Variants in RHOBTB2 observed in about 807,000 individuals in gnomAD.
RHOBTB2 encodes the protein rho-related BTB domain-containing protein 2.
A neutral mutation model predicts 66.5 loss-of-function variants in RHOBTB2; 39 were observed. The observed-to-expected ratio is 0.59, with a 90% CI of 0.45 to 0.77. The LOEUF is 0.77. Ranked by LOEUF, RHOBTB2 falls within the 30% of genes least tolerant of loss-of-function variation. The pLI is 0.00. For missense variants in RHOBTB2, 755 were observed against 999.1 expected (o/e 0.76, Z 3.29); for synonymous variants, 390 against 395.0 (o/e 0.99, Z 0.15).
At chr8:22,979,410 A>G in the RHOBTB2 span, among the ~76,000 whole-genome samples, 1 of 152,178 alleles carries the variant, frequency 6.6e-6, no homozygotes, top group African/African-American at 2.4e-5. Context: ...TATATTTTGT[A>G]ATAGTTCTTT....
intron 2 of RHOBTB2, among the ~76,000 whole-genome samples, chr8:22,994,376 G>A (rs1253984454): frequency 6.6e-6 from 1 of 152,212 alleles, no homozygotes; most frequent in Non-Finnish European, 1.5e-5. Context: ...GGGTGGCCTT[G>A]GTCTTGGCCC....
the RHOBTB2 span, among the ~76,000 whole-genome samples, chr8:22,972,330 C>T: frequency 6.6e-6 from 1 of 152,302 alleles, no homozygotes; most frequent in Non-Finnish European, 1.5e-5. Flanking sequence ...CCAATGCAGT[C>T]ATCACACGTA....
chr8:22,966,490 A>T, the RHOBTB2 span, among the ~76,000 whole-genome samples: 1 of 151,988 alleles, frequency 6.6e-6, no homozygotes, highest in Admixed American at 6.6e-5. Flanking sequence ...ATGTGAAAAG[A>T]TGCTCAACAT....
chr8:23,006,826 T>C lies in RHOBTB2; in HGVS notation c.581T>C (p.Phe194Ser). Reference protein sequence around the residue: ...PYYETSVVAQFGIKDVFDNAI... With the variant: ...PYYETSVVAQSGIKDVFDNAI... ...TATGAGACCAGCGTGGTGGCCCAGTTCGGCATCAAGGACGTCTTTGACAAC... is the reference window on the plus strand; with the variant it reads ...TATGAGACCAGCGTGGTGGCCCAGTCCGGCATCAAGGACGTCTTTGACAAC... The change falls in exon 5 of 10, where the codon TTC (phenylalanine) becomes TCC (serine). Residue 194 changes from phenylalanine (F) to serine (S), a missense_variant. By Grantham distance (155) the Phe-to-Ser change is radical. Around this residue, in one of 7 missense-constraint regions of RHOBTB2, gnomAD observed 35 missense variants for 38.1 expected, o/e 0.92. Coordinates refer to ENST00000251822, the MANE Select transcript of RHOBTB2 (RefSeq NM_015178.3). The surrounding 1 kb of genome is among the most constrained non-coding windows in gnomAD (Gnocchi z 6.1). 1 of 1,614,072 alleles carries C rather than the reference T, an allele frequency of 6.2e-7. No homozygotes were observed. The highest frequency in any genetic ancestry group is 2.2e-5 in the East Asian group (1 of 44,870).
rs552604043 is a variant in RHOBTB2, at chr8:23,006,531, T to C, written c.483-197T>C. The C allele has an allele frequency of 4.9e-6, 3 of 610,692 alleles. No individual in the cohort carries two copies. The Admixed American group carries it at 9.1e-5, about 19-fold the overall frequency. 37.8% of individuals were successfully genotyped at this position (610,692 alleles called of 1,614,324 possible). A position where few individuals can be genotyped will look rare whatever the true frequency, so the allele number is the denominator to read the frequency against. On this transcript the variant is annotated intron_variant, in intron 4 of 9. Coordinates refer to ENST00000251822, the MANE Select transcript of RHOBTB2 (RefSeq NM_015178.3). The surrounding 1 kb of genome is among the most constrained non-coding windows in gnomAD (Gnocchi z 6.1). ...GGGAGGTCACTGGGGCCTGGCATAG[T>C]AGGGAAAGCTTTCTGGAAGAAAAAG... is the stretch of plus-strand genomic sequence containing the variant.
Position 23,015,684 on chromosome 8 carries a change from G to A in RHOBTB2, c.1907G>A (p.Cys636Tyr). 6.2e-7 allele frequency: 1 copy of A among 1,614,040 alleles called. No homozygotes were observed. Among genetic ancestry groups the A allele is most frequent in the Non-Finnish European group, 8.5e-7 (1 of 1,179,962 alleles). The change falls in exon 9 of 10, where the codon TGC becomes TAC. Residue 636 changes from cysteine (C) to tyrosine (Y), a missense_variant. By Grantham distance (194) the Cys-to-Tyr change is radical (BLOSUM62 -2). Around this residue, in one of 7 missense-constraint regions of RHOBTB2, gnomAD observed 353 missense variants for 458.2 expected, o/e 0.77. Transcript: ENST00000251822. The stretch of plus-strand genomic sequence containing the variant: ...GCCGACTGGTGTCTCCACCACATCT[G>A]CACCAACTACAACAACGTGTGCCGC... ...QLADWCLHHI[C>Y]TNYNNVCRKF... is the part of the protein sequence containing the mutation.
the RHOBTB2 span, among the ~76,000 whole-genome samples, chr8:22,958,093 T>A: frequency 6.6e-6 from 1 of 152,244 alleles, no homozygotes; most frequent in Non-Finnish European, 1.5e-5. Flanking sequence ...TCTTTTGGCT[T>A]TCAATATTTA....
the RHOBTB2 span, among the ~76,000 whole-genome samples, chr8:22,954,976 C>G: frequency 6.6e-6 from 1 of 152,048 alleles, no homozygotes; most frequent in Non-Finnish European, 1.5e-5. Flanking sequence ...ACTAAAAATA[C>G]AAAAATTAGC....
upstream of RHOBTB2, chr8:22,994,623 A>G (rs192541245): frequency 2.1e-5 from 33 of 1,551,366 alleles, no homozygotes; most frequent in Admixed American, 1.8e-4. Flanking sequence ...CCCCCAGAAG[A>G]CCTCTTCAGA....
chr8:22,959,233 A>G, the RHOBTB2 span, among the ~76,000 whole-genome samples: 1 of 102,418 alleles, frequency 9.8e-6, no homozygotes, highest in African/African-American at 3.9e-5. Context: ...TTAATCTTTC[A>G]TTTTTCTTTT....
rs138230177 is a variant in RHOBTB2 at position 23,019,685 on chromosome 8, G to T, written c.*2216G>T. The T allele has an allele frequency of 1.7e-3, 261 of 153,610 alleles. 2 individuals are homozygous for T. Among genetic ancestry groups the T allele is most frequent in the Middle Eastern group, 0.014 (4 of 296 alleles). 9.5% of individuals were successfully genotyped at this position (153,610 alleles called of 1,614,324 possible). A position where few individuals can be genotyped will look rare whatever the true frequency, so the allele number is the denominator to read the frequency against. ...TGGTGGGGATGCAGGGAAGGCCGGGGCAGAGAAAGTGAAGGTCGACCCAGG... is the reference window on the plus strand; with the variant it reads ...TGGTGGGGATGCAGGGAAGGCCGGGTCAGAGAAAGTGAAGGTCGACCCAGG... On this transcript the variant is annotated 3_prime_UTR_variant, in exon 10 of 10. Coordinates refer to ENST00000251822, the MANE Select transcript of RHOBTB2 (RefSeq NM_015178.3).
At chr8:22,985,392 C>T (rs180736148), upstream of RHOBTB2, among the ~76,000 whole-genome samples, 27 of 152,318 alleles carry the variant, frequency 1.8e-4, no homozygotes, top group East Asian at 1.9e-3. Context: ...TTTAACTTAT[C>T]GGAGAGGAGC....
rs909273730 is a variant in RHOBTB2 at position 23,004,307 on chromosome 8, G to C, written c.-10-118G>C. On this transcript the variant is annotated intron_variant, in intron 1 of 9. Coordinates refer to ENST00000251822, the MANE Select transcript of RHOBTB2 (RefSeq NM_015178.3). This position sits in a 1 kb window ranked among gnomAD's most constrained non-coding sequence, Gnocchi z 6.4. ...ACGTTGCCCACTCCTTCCTCCTCCTGTCAGCTCCGGGGCTTGCAGAGGGGG... is the reference window on the plus strand; with the variant it reads ...ACGTTGCCCACTCCTTCCTCCTCCTCTCAGCTCCGGGGCTTGCAGAGGGGG... The C allele has an allele frequency of 1.2e-6, 1 of 848,392 alleles. No individual in the cohort carries two copies. Among genetic ancestry groups the C allele is most frequent in the Admixed American group, 2.0e-5 (1 of 49,430 alleles). The allele number at this position is 848,392 out of a possible 1,614,324, so 52.6% of individuals were successfully genotyped here.
At position 23,006,497 on chromosome 8, in the gene RHOBTB2, T is replaced by G; in HGVS notation, c.483-231T>G. 1 of 575,764 alleles carries G rather than the reference T, an allele frequency of 1.7e-6. No homozygotes were observed. The allele number at this position is 575,764 out of a possible 1,614,324, so 35.7% of individuals were successfully genotyped here. On this transcript the variant is annotated intron_variant, in intron 4 of 9. Coordinates refer to ENST00000251822, the MANE Select transcript of RHOBTB2 (RefSeq NM_015178.3). The surrounding 1 kb of genome is among the most constrained non-coding windows in gnomAD (Gnocchi z 6.1). ...GCCAGAGAGGCAGTGCTGTCACGGCTTTGTACTGGGGAGGTCACTGGGGCC... is the reference window on the plus strand; with the variant it reads ...GCCAGAGAGGCAGTGCTGTCACGGCGTTGTACTGGGGAGGTCACTGGGGCC...
chr8:22,952,045 T>C, the RHOBTB2 span, among the ~76,000 whole-genome samples: 2 of 152,148 alleles, frequency 1.3e-5, no homozygotes, highest in African/African-American at 2.4e-5. Context: ...TCTTTAGAAA[T>C]GTAATTACAA....
chr8:23,007,158 C>A lies in RHOBTB2; in HGVS notation c.913C>A (p.Leu305Met). 1 of 1,605,854 alleles carries A rather than the reference C, an allele frequency of 6.2e-7. No individual in the cohort carries two copies. Among genetic ancestry groups the A allele is most frequent in the South Asian group, 1.1e-5 (1 of 90,804 alleles). ...LFLMDLSEGE[L>M]GGPSEPGGTH... ...CCTCATGGACCTGAGTGAGGGGGAG[C>A]TGGGGGGCCCCTCGGAGCCAGGGGG... The change falls in exon 5 of 10, where the codon CTG (leucine) becomes ATG (methionine). Residue 305 changes from leucine (L) to methionine (M), a missense_variant. Coordinates refer to ENST00000251822, the MANE Select transcript of RHOBTB2 (RefSeq NM_015178.3).
chr8:22,956,473 C>T, the RHOBTB2 span, among the ~76,000 whole-genome samples: 2 of 152,066 alleles, frequency 1.3e-5, no homozygotes, highest in African/African-American at 4.8e-5. Flanking sequence ...CCTCCCCCTC[C>T]TCCTCCTGGT....
At chr8:22,969,193 T>C in the RHOBTB2 span, among the ~76,000 whole-genome samples, 114 of 152,258 alleles carry the variant, frequency 7.5e-4, no homozygotes, top group Non-Finnish European at 1.2e-3. Flanking sequence ...GGTTTCCCCT[T>C]ATAAAACCAT....
intron 7 of RHOBTB2, among the ~76,000 whole-genome samples, chr8:23,012,495 G>A (rs1398668982): frequency 6.6e-6 from 1 of 152,208 alleles, no homozygotes; most frequent in East Asian, 1.9e-4. Context: ...ATTGGCGATG[G>A]TTTAAGTTTT....
Sources: allele counts gnomAD v4.1 joint callset (sites outside exome capture counted in the v4.1 genomes callset), GRCh38; gene constraint gnomAD v4.1.1; regional missense constraint gnomAD v4.1.1; non-coding constraint Gnocchi (gnomAD v3.1); transcripts MANE v1.5; gene names NCBI Gene and HGNC (gene_info 2026-07-23, HGNC 2026-07-21).